The following GIMAP8 variants were observed in gnomAD, a reference collection of about 807,000 sequenced individuals.
GIMAP8 encodes the protein GTPase, IMAP family member 8, also known as GTPase IMAP family member 8.
Under a neutral mutation model 35.6 loss-of-function variants are expected in GIMAP8, and 29 were observed. That is an observed-to-expected ratio of 0.81 (90% CI 0.61 to 1.11). The LOEUF (loss-of-function observed/expected upper bound fraction) is 1.11, where lower values mean the gene tolerates loss of function less well. Among genes scored for constraint, GIMAP8 ranks in the 50% most tolerant of loss-of-function variants. The pLI is 0.00. For synonymous variants in GIMAP8, 335 were observed against 308.7 expected (o/e 1.09, Z -0.89); for missense variants, 811 against 805.0 (o/e 1.01, Z -0.09).
At chr7:150,455,674 G>A (rs1311952992) in intron 1 of GIMAP8, among the ~76,000 whole-genome samples, 8 of 152,192 alleles carry the variant, frequency 5.3e-5, no homozygotes. Context: ...AAATTTGAAT[G>A]TGCACGAGGA....
rs540607407 is a variant in GIMAP8, at chr7:150,467,257, C to T, written c.559C>T (p.Arg187Cys). The stretch of plus-strand genomic sequence containing the variant: ...GATCACCCAGGTGTTGGAGCTCCTT[C>T]GCAAGGTTGAGTCTTTGGTGAATAC... The part of the protein sequence containing the change: ...EQITQVLELL[R>C]KVESLVNTNG... The change falls in exon 2 of 5, where the codon CGC becomes TGC. Residue 187 changes from arginine to cysteine, a missense_variant. Coordinates refer to ENST00000307271, the MANE Select transcript of GIMAP8 (RefSeq NM_175571.4). 9.9e-6 allele frequency: 16 copies of T among 1,614,170 alleles called. No individual in the cohort carries two copies. Among genetic ancestry groups the T allele is most frequent in the South Asian group, 6.6e-5 (6 of 91,082 alleles).
intron 1 of GIMAP8, among the ~76,000 whole-genome samples, chr7:150,453,094 A>C (rs572265804): frequency 4.2e-4 from 64 of 152,128 alleles, no homozygotes; most frequent in African/African-American, 1.5e-3. Context: ...TACAGAGAAC[A>C]TTTAGACATT....
Position 150,479,246 on chromosome 7 carries a change from T to G in GIMAP8, c.*1466T>G, listed in dbSNP as rs113359198. On this transcript the variant is annotated 3_prime_UTR_variant, in exon 5 of 5. Coordinates refer to ENST00000307271, the MANE Select transcript of GIMAP8 (RefSeq NM_175571.4). ...GTTTCCTGGGTGACAAAATTACCTG[T>G]ACACCACACCCCTGTGACACACAAC... 7.4e-4 allele frequency: 113 copies of G among 152,226 alleles called. No homozygotes were observed. Among genetic ancestry groups the G allele is most frequent in the African/African-American group, 2.6e-3 (107 of 41,520 alleles). The allele number at this position is 152,226 out of a possible 1,614,324, so 9.4% of individuals were successfully genotyped here. A position where few individuals can be genotyped will look rare whatever the true frequency, so the allele number is the denominator to read the frequency against.
chr7:150,453,928 A>G lies in GIMAP8; in HGVS notation c.-29+2753A>G, dbSNP rs376961611. On this transcript the variant is annotated intron_variant, in intron 1 of 4. Coordinates refer to ENST00000307271, the MANE Select transcript of GIMAP8 (RefSeq NM_175571.4). ...AGGGTGGCAGTGGCGGGTGCTAGGT[A>G]TGGGGTGGGGGTGTCAGTGGGGCAC... 4.6e-5 allele frequency among the ~76,000 whole-genome samples: 7 copies of G among 150,672 alleles called. No individual in the cohort carries two copies. The East Asian group carries it at 7.9e-4, about 17-fold the overall frequency.
In GIMAP8 at chr7:150,472,171, C is replaced by T. The variant is rs1034206275; in HGVS notation, c.682+1297C>T. 3.6e-4 allele frequency among the ~76,000 whole-genome samples: 55 copies of T among 152,148 alleles called. No individual in the cohort carries two copies. The highest frequency in any genetic ancestry group is 5.9e-5 in the Non-Finnish European group (4 of 68,042). ...ACACCATGGGGAGTCACAGGGCTGT[C>T]AGAAACAGGGGGCAGGGAAGGACTT... is the stretch of plus-strand genomic sequence containing the variant. On this transcript the variant is annotated intron_variant, in intron 3 of 4. Transcript: ENST00000307271. The surrounding 1 kb of genome is among the most constrained non-coding windows in gnomAD (Gnocchi z 4.1).
intron 4 of GIMAP8, among the ~76,000 whole-genome samples, 171 bp downstream of exon 4, chr7:150,474,809 G>T (rs1029906128): frequency 6.6e-6 from 1 of 150,998 alleles, no homozygotes; most frequent in Admixed American, 6.6e-5. Context: ...GTGCCATGCT[G>T]GTGCGCTGCA....
intron 4 of GIMAP8, among the ~76,000 whole-genome samples, chr7:150,474,942 T>G (rs1231596326): frequency 1.3e-5 from 2 of 152,056 alleles, no homozygotes; most frequent in Non-Finnish European, 2.9e-5. Flanking sequence ...ATCTTATTGT[T>G]CAATTCCCAC....
In GIMAP8 at chr7:150,466,677, C is replaced by T. The variant is rs774605560; in HGVS notation, c.-22C>T. The stretch of plus-strand genomic sequence containing the variant: ...TTGTTTTCTGTCCCAACAGAACAAG[C>T]GGGAGCCTGTGTCAGGAAAGCATGT... On this transcript the variant is annotated 5_prime_UTR_variant, in exon 2 of 5. Coordinates refer to ENST00000307271, the MANE Select transcript of GIMAP8 (RefSeq NM_175571.4). The T allele has an allele frequency of 5.0e-5, 81 of 1,609,388 alleles. No individual in the cohort carries two copies. The highest frequency in any genetic ancestry group is 6.5e-5 in the Non-Finnish European group (76 of 1,177,724).
In GIMAP8 at chr7:150,467,146, A is replaced by G. The variant is rs148301701; in HGVS notation, c.448A>G (p.Lys150Glu). 5.9e-4 allele frequency: 946 copies of G among 1,614,232 alleles called. 5 individuals are homozygous for G. In the African/African-American group the frequency reaches 0.011, roughly 19 times the overall value. The change falls in exon 2 of 5, where the codon AAA becomes GAA. Residue 150 changes from lysine to glutamate, a missense_variant. Physicochemically the swap from Lys to Glu is moderately conservative, Grantham distance 56. Coordinates refer to ENST00000307271, the MANE Select transcript of GIMAP8 (RefSeq NM_175571.4). ...TGACTTGCTGCAAGATTTCATTGAA[A>G]AAAACAAACCTCTCAAGCAGTTGGT... Reference protein sequence around the residue: ...GDDLLQDFIEKNKPLKQLVQD... With the variant: ...GDDLLQDFIEENKPLKQLVQD...
At chr7:150,455,826 C>T (rs906827927) in intron 1 of GIMAP8, among the ~76,000 whole-genome samples, 10 of 152,180 alleles carry the variant, frequency 6.6e-5, no homozygotes, top group African/African-American at 2.4e-4. Flanking sequence ...CTTAAATCAT[C>T]AGAATATTAA....
At chr7:150,477,027 A>G in intron 4 of GIMAP8, 65 bp from the exon 5 acceptor site, 2 of 1,283,700 alleles carry the variant, frequency 1.6e-6, no homozygotes, top group African/African-American at 1.5e-5. Context: ...GCTTCATGGG[A>G]TAACTTTAAA....
At chr7:150,462,289 T>C (rs1440952786) in intron 1 of GIMAP8, among the ~76,000 whole-genome samples, 1 of 152,240 alleles carries the variant, frequency 6.6e-6, no homozygotes, top group East Asian at 1.9e-4. Flanking sequence ...TCACAGGGGA[T>C]ATGATGGCTT....
Position 150,477,822 on chromosome 7 carries a change from C to T in GIMAP8, c.*42C>T. The T allele has an allele frequency of 6.6e-7, 1 of 1,510,708 alleles. No homozygotes were observed. The highest frequency in any genetic ancestry group is 9.0e-7 in the Non-Finnish European group (1 of 1,105,074). 93.6% of individuals were successfully genotyped at this position (1,510,708 alleles called of 1,614,324 possible). A position where few individuals can be genotyped will look rare whatever the true frequency, so the allele number is the denominator to read the frequency against. ...GGGTCTCTTCAATTAGAGACACCCT[C>T]AGGTTGGGGGGAGGGGCGGGGCATG... is the stretch of plus-strand genomic sequence containing the variant. On this transcript the variant is annotated 3_prime_UTR_variant, in exon 5 of 5. Coordinates refer to ENST00000307271, the MANE Select transcript of GIMAP8 (RefSeq NM_175571.4).
At chr7:150,475,286 A>G (rs1177100257) in intron 4 of GIMAP8, among the ~76,000 whole-genome samples, 1 of 152,244 alleles carries the variant, frequency 6.6e-6, no homozygotes, top group East Asian at 1.9e-4. Context: ...TTGAAATGAA[A>G]CAAAAAAGAA....
intron 2 of GIMAP8, 59 bp from the exon 3 acceptor site, chr7:150,470,759 TTTTTTTTTTCA>T (rs1802070239): frequency 8.4e-5 from 60 of 711,918 alleles, no homozygotes; most frequent in East Asian, 1.8e-4. Context: ...TTTTTTTTTT[TTTTTTTTTTCA>T]GTTTGTGGAA....
At chr7:150,454,761 T>C (rs942316722) in intron 1 of GIMAP8, among the ~76,000 whole-genome samples, 2 of 152,210 alleles carry the variant, frequency 1.3e-5, no homozygotes, top group African/African-American at 4.8e-5. Flanking sequence ...AAAAAGGTAG[T>C]AGATGTCTCA....
intron 1 of GIMAP8, among the ~76,000 whole-genome samples, chr7:150,465,147 G>C (rs1453569337): frequency 6.6e-6 from 1 of 152,182 alleles, no homozygotes; most frequent in Non-Finnish European, 1.5e-5. Context: ...CCATCAAGGG[G>C]CAGAGACACT....
intron 1 of GIMAP8, among the ~76,000 whole-genome samples, chr7:150,455,217 G>GA (rs1319761053): frequency 7.0e-6 from 1 of 143,366 alleles, no homozygotes; most frequent in African/African-American, 2.5e-5. Context: ...AAAATGGAGG[G>GA]AAAACAACAA....
intron 2 of GIMAP8, among the ~76,000 whole-genome samples, chr7:150,468,732 A>T (rs1162108126): frequency 6.6e-6 from 1 of 152,212 alleles, no homozygotes; most frequent in Non-Finnish European, 1.5e-5. Flanking sequence ...GGTCAGAGAG[A>T]GACTGCTCAG....
Sources: gnomAD v4.1 joint callset for allele counts (sites outside exome capture counted in the v4.1 genomes callset) on GRCh38, gnomAD v4.1.1 for gene constraint, Gnocchi (gnomAD v3.1) non-coding constraint, MANE v1.5 for transcripts, NCBI Gene and HGNC (gene_info 2026-07-23, HGNC 2026-07-21) for gene names.